The following PCLO variants were observed in gnomAD, a reference collection of about 807,000 sequenced individuals.
The protein encoded by PCLO is piccolo presynaptic cytomatrix protein.
Under a neutral mutation model 427.5 loss-of-function variants are expected in PCLO, and 82 were observed. The ratio of observed to expected loss-of-function variants is 0.19; its 90% CI spans 0.16 to 0.23. The LOEUF is 0.23. PCLO is among the 10% of genes least tolerant of loss of function. The probability of loss-of-function intolerance (pLI) is 1.00; values close to 1 mark genes in which losing one functional copy is unlikely to be tolerated. For synonymous variants in PCLO, 2,357 were observed against 2,155.4 expected, an observed-to-expected ratio of 1.09 and a Z score of -2.59; for missense variants, 6,239 against 6,115.9, an observed-to-expected ratio of 1.02 and a Z score of -0.67.
intron 3 of PCLO, among the ~76,000 whole-genome samples, chr7:83,106,239 A>T (rs1220222866): frequency 1.3e-5 from 2 of 152,168 alleles, no homozygotes; most frequent in African/African-American, 4.8e-5. Flanking sequence ...CCTCACTTGA[A>T]TGGAGTGAGG....
At chr7:82,984,134 G>C (rs1246616928) in intron 3 of PCLO, among the ~76,000 whole-genome samples, 2 of 151,286 alleles carry the variant, frequency 1.3e-5, no homozygotes, top group East Asian at 3.9e-4. Context: ...AGACAATTTA[G>C]TTATGTGAAG....
intron 3 of PCLO, among the ~76,000 whole-genome samples, chr7:82,974,043 A>G (rs1383207602): frequency 6.6e-6 from 1 of 152,192 alleles, no homozygotes; most frequent in African/African-American, 2.4e-5. Flanking sequence ...TTATTACATT[A>G]ACACAATTTT....
chr7:82,983,654 A>C (rs1218719786), intron 3 of PCLO, among the ~76,000 whole-genome samples: 1 of 150,410 alleles, frequency 6.6e-6, no homozygotes. Flanking sequence ...AGTTATTTAA[A>C]ACATGAGTTT....
At chr7:82,789,343 A>T (rs184568383) in intron 22 of PCLO, among the ~76,000 whole-genome samples, 1 of 152,332 alleles carries the variant, frequency 6.6e-6, no homozygotes, top group East Asian at 1.9e-4. Context: ...CAATTAGAAT[A>T]ACCTAATTGA....
chr7:83,000,022 C>T (rs1305188218), intron 3 of PCLO, among the ~76,000 whole-genome samples: 1 of 138,480 alleles, frequency 7.2e-6, no homozygotes, highest in African/African-American at 2.7e-5. Context: ...CTGAGAACAC[C>T]AAGCAGAATA....
chr7:83,107,087 G>C (rs534204817), intron 3 of PCLO, among the ~76,000 whole-genome samples: 15 of 152,030 alleles, frequency 9.9e-5, no homozygotes, highest in African/African-American at 3.6e-4. Context: ...TTTAGGTTCA[G>C]GACTACATGT....
At chr7:82,965,294 C>CT (rs1795739569) in intron 4 of PCLO, among the ~76,000 whole-genome samples, 1 of 144,618 alleles carries the variant, frequency 6.9e-6, no homozygotes, top group African/African-American at 2.6e-5. Flanking sequence ...TTTTTTTTTC[C>CT]TTTTTTCTTT....
rs116508763 is a variant in PCLO at position 82,829,994 on chromosome 7, T to C, written c.14250-2028A>G. Reference sequence around the variant, plus strand: ...ATGGTATGGTATAATGGTATAAACATAAAATCATGTGAAATAAGGTTACAC... The same window carrying C: ...ATGGTATGGTATAATGGTATAAACACAAAATCATGTGAAATAAGGTTACAC... On this transcript the variant is annotated intron_variant, in intron 16 of 24. Coordinates refer to ENST00000333891, the MANE Select transcript of PCLO (RefSeq NM_033026.6). 1.0e-2 allele frequency among the ~76,000 whole-genome samples: 1,515 copies of C among 152,012 alleles called. 17 individuals carry two copies. The highest frequency in any genetic ancestry group is 0.034 in the African/African-American group (1,414 of 41,530).
intron 22 of PCLO, among the ~76,000 whole-genome samples, chr7:82,773,151 GA>G: frequency 6.6e-6 from 1 of 152,254 alleles, no homozygotes; most frequent in Admixed American, 6.5e-5. Context: ...ACCCACCCAG[GA>G]AAAGTAGTGG....
chr7:82,817,523 C>A (rs1791701988), intron 20 of PCLO, among the ~76,000 whole-genome samples: 1 of 152,088 alleles, frequency 6.6e-6, no homozygotes. Context: ...CCAGTCCCAC[C>A]CACTCCCAAA....
chr7:82,978,857 A>AACACACAC (rs66871387), intron 3 of PCLO, among the ~76,000 whole-genome samples: 7 of 138,592 alleles, frequency 5.1e-5, no homozygotes, highest in African/African-American at 1.4e-4. Context: ...CACACACACA[A>AACACACAC]ACACACACAC....
intron 6 of PCLO, among the ~76,000 whole-genome samples, chr7:82,945,279 G>A (rs181459398): frequency 6.6e-6 from 1 of 152,260 alleles, no homozygotes; most frequent in Admixed American, 6.5e-5. Flanking sequence ...TTTGATATCA[G>A]ACTGACAGGG....
chr7:82,838,252 G>T lies in PCLO; in HGVS notation c.14188C>A (p.Pro4730Thr). Reference sequence around the variant, plus strand: ...GGAAGAAGGTACACTTTCACAAAAGGGTCAGAATAACCATTGTTGTCTCGA... The same window carrying T: ...GGAAGAAGGTACACTTTCACAAAAGTGTCAGAATAACCATTGTTGTCTCGA... ...VPRDNNGYSD[P>T]FVKVYLLPGR... The change falls in exon 15 of 25, where the codon CCT becomes ACT. Residue 4730 changes from proline (P) to threonine (T), a missense_variant. Pro to Thr is a conservative substitution (Grantham distance 38). This residue lies in a region of PCLO where 877 missense variants were observed against 925.5 expected (regional missense o/e 0.95). Transcript: ENST00000333891. 2 of 1,598,524 alleles carry T rather than the reference G, an allele frequency of 1.3e-6. No homozygotes were observed. Among genetic ancestry groups the T allele is most frequent in the Non-Finnish European group, 1.7e-6 (2 of 1,169,744 alleles).
At chr7:83,104,021 T>A (rs570768737) in intron 3 of PCLO, among the ~76,000 whole-genome samples, 93 of 152,154 alleles carry the variant, frequency 6.1e-4, no homozygotes, top group African/African-American at 2.2e-3. Context: ...TTGTTGTTCA[T>A]TAAGTAACAC....
intron 3 of PCLO, among the ~76,000 whole-genome samples, chr7:83,053,627 C>A (rs961059821): frequency 1.3e-5 from 2 of 151,770 alleles, no homozygotes; most frequent in African/African-American, 4.8e-5. Flanking sequence ...TTAGTTAGAT[C>A]GACATTGACC....
intron 9 of PCLO, among the ~76,000 whole-genome samples, chr7:82,888,596 C>T (rs1793682344): frequency 6.6e-6 from 1 of 151,932 alleles, no homozygotes; most frequent in Non-Finnish European, 1.5e-5. Flanking sequence ...TTGAAGCAAA[C>T]AAAACAAATC....
chr7:83,075,369 C>T (rs1789925366), intron 3 of PCLO, among the ~76,000 whole-genome samples: 1 of 152,088 alleles, frequency 6.6e-6, no homozygotes, highest in African/African-American at 2.4e-5. Flanking sequence ...TGAGATTAGG[C>T]CTTGCTCAAT....
At chr7:82,767,791 A>G (rs1207266223) in intron 22 of PCLO, among the ~76,000 whole-genome samples, 2 of 152,164 alleles carry the variant, frequency 1.3e-5, no homozygotes, top group African/African-American at 4.8e-5. Flanking sequence ...GAGTTGATAC[A>G]CTGATATATC....
rs562034284 is a variant in PCLO at position 83,160,215 on chromosome 7, G to T, written c.248+2130C>A. 2.0e-5 allele frequency among the ~76,000 whole-genome samples: 3 copies of T among 152,240 alleles called. No homozygotes were observed. The East Asian group carries it at 5.8e-4, about 29-fold the overall frequency. On this transcript the variant is annotated intron_variant, in intron 1 of 24. Coordinates refer to ENST00000333891, the MANE Select transcript of PCLO (RefSeq NM_033026.6). ...ATAGGTATTAGTAGCCTTATTTAAA[G>T]GCAAGGAACATGAGACACATTGATT...
Sources: allele counts gnomAD v4.1 joint callset (sites outside exome capture counted in the v4.1 genomes callset), GRCh38; gene constraint gnomAD v4.1.1; regional missense constraint gnomAD v4.1.1; transcripts MANE v1.5; gene names NCBI Gene and HGNC (gene_info 2026-07-23, HGNC 2026-07-21).